BCL2L11: variants seen among roughly 807,000 people sequenced by gnomAD.
The protein encoded by BCL2L11 is BCL2 like 11.
BCL2L11 carries 15 observed loss-of-function variants against 20.6 expected under a neutral mutation model. The observed-to-expected ratio is 0.73, with a 90% CI of 0.49 to 1.12. BCL2L11 has a LOEUF of 1.12. Ranked by LOEUF, BCL2L11 falls within the 50% of genes most tolerant of loss-of-function variation. The pLI, the probability that BCL2L11 is intolerant of heterozygous loss-of-function variation, is 0.00. For synonymous variants in BCL2L11, 108 were observed against 92.8 expected (o/e 1.16, Z -0.94); for missense variants, 292 against 260.9 (o/e 1.12, Z -0.82).
rs908144801 is a variant in BCL2L11, at chr2:111,156,500, T to C, written c.498+6353T>C. Among the ~76,000 whole-genome samples the C allele has an allele frequency of 3.9e-5, 6 of 152,340 alleles. No homozygotes were observed. The East Asian group carries it at 7.7e-4, about 20-fold the overall frequency. On this transcript the variant is annotated intron_variant, in intron 3 of 3. Coordinates refer to ENST00000393256, the MANE Select transcript of BCL2L11 (RefSeq NM_138621.5). ...TTTGGGTTTAGGAGCCTTTCTTTCCTGTCTTAGACTACCCCGTTTCCGTCC... is the reference window on the plus strand; with the variant it reads ...TTTGGGTTTAGGAGCCTTTCTTTCCCGTCTTAGACTACCCCGTTTCCGTCC...
At chr2:111,153,392 C>G (rs909341474) in intron 3 of BCL2L11, among the ~76,000 whole-genome samples, 2 of 151,906 alleles carry the variant, frequency 1.3e-5, no homozygotes, top group Non-Finnish European at 1.5e-5. Flanking sequence ...AAAAATAGTT[C>G]AAAACACTGG....
At chr2:111,134,837 C>A (rs2074578683) in intron 2 of BCL2L11, among the ~76,000 whole-genome samples, 1 of 152,190 alleles carries the variant, frequency 6.6e-6, no homozygotes, top group Non-Finnish European at 1.5e-5. Flanking sequence ...ATGCCACTTT[C>A]TTAGGGCCTC....
chr2:111,120,930 C>CCGCCT lies in BCL2L11; in HGVS notation c.-271_-267dup. On this transcript the variant is annotated 5_prime_UTR_variant, in exon 1 of 4. Coordinates refer to ENST00000393256, the MANE Select transcript of BCL2L11 (RefSeq NM_138621.5). ...GCAGGTTTCACTTCGCTCCGCGCAG[C>CCGCCT]CGCCTGGTCTGCAGTTTGTTGGAGC... 2.8e-6 allele frequency: 1 copy of CCGCCT among 351,378 alleles called. No homozygotes were observed. The highest frequency in any genetic ancestry group is 5.9e-5 in the South Asian group (1 of 16,946). 21.8% of individuals were successfully genotyped at this position (351,378 alleles called of 1,614,324 possible).
chr2:111,147,706 A>G (rs1042576506), intron 2 of BCL2L11, among the ~76,000 whole-genome samples: 3 of 152,250 alleles, frequency 2.0e-5, no homozygotes, highest in African/African-American at 7.2e-5. Flanking sequence ...AGCACGAGCC[A>G]TGTGGAAGCT....
In BCL2L11 at chr2:111,150,153, G is replaced by C. The variant is rs1444159465; in HGVS notation, c.498+6G>C. ...ACGCTTACTATGCAAGGAGGGTAAT[G>C]ATGTTTTCTTTACCCGCTTTTCTGC... On this transcript the variant is annotated splice_donor_region_variant and intron_variant, in intron 3 of 3. Coordinates refer to ENST00000393256, the MANE Select transcript of BCL2L11 (RefSeq NM_138621.5). The C allele has an allele frequency of 1.2e-6, 2 of 1,613,044 alleles. No homozygotes were observed. Among genetic ancestry groups the C allele is most frequent in the Non-Finnish European group, 1.7e-6 (2 of 1,179,448 alleles).
chr2:111,147,331 C>G (rs1229449739), intron 2 of BCL2L11, among the ~76,000 whole-genome samples: 1 of 130,882 alleles, frequency 7.6e-6, no homozygotes, highest in Non-Finnish European at 1.6e-5. Context: ...TCCTGTATCT[C>G]TCTCTCTCTC....
At chr2:111,161,460 G>A (rs1461873394) in intron 3 of BCL2L11, 1 of 1,550,404 alleles carries the variant, frequency 6.4e-7, no homozygotes, top group African/African-American at 1.4e-5. Flanking sequence ...AGCAGACGCA[G>A]ACTTATTGGA....
chr2:111,148,287 T>C (rs536725955), intron 2 of BCL2L11, among the ~76,000 whole-genome samples: 2 of 152,180 alleles, frequency 1.3e-5, no homozygotes, highest in Non-Finnish European at 2.9e-5. Flanking sequence ...CATGAGACCC[T>C]TGTGCAGTGG....
At chr2:111,130,618 C>T (rs1053386812) in intron 2 of BCL2L11, among the ~76,000 whole-genome samples, 2 of 152,270 alleles carry the variant, frequency 1.3e-5, no homozygotes, top group African/African-American at 2.4e-5. Context: ...CCCAGTTGCA[C>T]CAGCTAGAAT....
rs922881324 is a variant in BCL2L11 at position 111,164,704 on chromosome 2, T to C, written c.*473T>C. 4 of 153,412 alleles carry C rather than the reference T, an allele frequency of 2.6e-5. No homozygotes were observed. The highest frequency in any genetic ancestry group is 9.7e-5 in the African/African-American group (4 of 41,446). 9.5% of individuals were successfully genotyped at this position (153,412 alleles called of 1,614,324 possible). On this transcript the variant is annotated 3_prime_UTR_variant, in exon 4 of 4. Transcript: ENST00000393256. ...CAGCTAACTTAAAAAGCTGCCTTAG[T>C]TTATTTTTAGAGATTACAGAATTTT...
At chr2:111,123,208 T>C in intron 1 of BCL2L11, 1 of 985,484 alleles carries the variant, frequency 1.0e-6, no homozygotes, top group South Asian at 4.7e-5. Context: ...TTACAAACTC[T>C]ATTGTGACGC....
Position 111,167,723 on chromosome 2 carries a change from C to T in BCL2L11, c.*3492C>T, listed in dbSNP as rs2079091044. The T allele has an allele frequency of 6.6e-6, 1 of 152,382 alleles. No individual in the cohort carries two copies. The highest frequency in any genetic ancestry group is 2.4e-5 in the African/African-American group (1 of 41,450). The allele number at this position is 152,382 out of a possible 1,614,324, so 9.4% of individuals were successfully genotyped here. Reference sequence around the variant, plus strand: ...TTTCCCCCACCTGCTGTGCAACTTCCTGTGCTTTGAGGTTGGACTAACTTG... The same window carrying T: ...TTTCCCCCACCTGCTGTGCAACTTCTTGTGCTTTGAGGTTGGACTAACTTG... On this transcript the variant is annotated 3_prime_UTR_variant, in exon 4 of 4. Coordinates refer to ENST00000393256, the MANE Select transcript of BCL2L11 (RefSeq NM_138621.5).
intron 3 of BCL2L11, chr2:111,153,935 C>T (rs1411777997): frequency 2.0e-6 from 3 of 1,498,868 alleles, no homozygotes; most frequent in Non-Finnish European, 2.7e-6. Flanking sequence ...CATGTCCCCT[C>T]TTCTCTCCCG....
intron 2 of BCL2L11, among the ~76,000 whole-genome samples, chr2:111,126,291 C>T (rs200789072): frequency 6.6e-6 from 1 of 152,082 alleles, no homozygotes; most frequent in Non-Finnish European, 1.5e-5. Context: ...ATGAAATATA[C>T]AGGGCTTCAA....
intron 2 of BCL2L11, among the ~76,000 whole-genome samples, chr2:111,148,727 C>T (rs559766254): frequency 1.3e-5 from 2 of 152,164 alleles, no homozygotes; most frequent in Non-Finnish European, 2.9e-5. Flanking sequence ...CCCTCTTACC[C>T]CACTGCCACC....
intron 2 of BCL2L11, 40 bp from the exon 3 acceptor site, chr2:111,150,004 G>T: frequency 6.4e-7 from 1 of 1,565,538 alleles, no homozygotes; most frequent in South Asian, 1.1e-5. Context: ...GTGATCTGTG[G>T]ACCACAATGT....
At chr2:111,139,881 G>A (rs146801813) in intron 2 of BCL2L11, among the ~76,000 whole-genome samples, 21 of 152,356 alleles carry the variant, frequency 1.4e-4, no homozygotes, top group African/African-American at 5.1e-4. Context: ...GGTGTGGCAA[G>A]AAATAGCCCT....
intron 3 of BCL2L11, among the ~76,000 whole-genome samples, chr2:111,158,899 C>T (rs1293030396): frequency 1.3e-5 from 2 of 152,050 alleles, no homozygotes; most frequent in South Asian, 2.1e-4. Context: ...CACACATTTG[C>T]GCTTTCTTAA....
chr2:111,123,729 G>T lies in BCL2L11; in HGVS notation c.-13-4G>T. On this transcript the variant is annotated splice_region_variant and splice_polypyrimidine_tract_variant and intron_variant, in intron 1 of 3. Coordinates refer to ENST00000393256, the MANE Select transcript of BCL2L11 (RefSeq NM_138621.5). ...AATAATCTTAGTTTTTATTTTACTT[G>T]CAGAAAAAAAGACCAAATGGCAAAG... 19 of 1,367,194 alleles carry T rather than the reference G, an allele frequency of 1.4e-5. No individual in the cohort carries two copies. Among genetic ancestry groups the T allele is most frequent in the South Asian group, 6.9e-5 (3 of 43,226 alleles). The allele number at this position is 1,367,194 out of a possible 1,614,324, so 84.7% of individuals were successfully genotyped here.
Sources: gnomAD v4.1 joint callset for allele counts (sites outside exome capture counted in the v4.1 genomes callset) on GRCh38, gnomAD v4.1.1 for gene constraint, MANE v1.5 for transcripts, NCBI Gene and HGNC (gene_info 2026-07-23, HGNC 2026-07-21) for gene names.